Variants in IQGAP1 observed in about 807,000 individuals in gnomAD.
IQGAP1 encodes the protein IQ motif containing GTPase activating protein 1.
Under a neutral mutation model 215.6 loss-of-function variants are expected in IQGAP1, and 66 were observed. The ratio of observed to expected loss-of-function variants is 0.31; its 90% CI spans 0.25 to 0.38. The LOEUF is 0.38. Among genes scored for constraint, IQGAP1 ranks in the 10% least tolerant of loss-of-function variants. The pLI, the probability that IQGAP1 is intolerant of heterozygous loss-of-function variation, is 1.00. For synonymous variants in IQGAP1, 772 were observed against 728.7 expected (o/e 1.06, Z -0.96); for missense variants, 1,712 against 1,997.1 (o/e 0.86, Z 2.72).
At chr15:90,487,799 C>G (rs547014137) in intron 33 of IQGAP1, among the ~76,000 whole-genome samples, 11 of 152,294 alleles carry the variant, frequency 7.2e-5, no homozygotes, top group Middle Eastern at 3.4e-3. Flanking sequence ...CTGGCACTTG[C>G]ATGCAGAATC....
intron 18 of IQGAP1, among the ~76,000 whole-genome samples, chr15:90,471,714 G>A (rs62021772): frequency 0.13 from 20,206 of 151,862 alleles, 1,403 homozygotes; most frequent in African/African-American, 0.16. Flanking sequence ...TGGTCAGGCT[G>A]GTCTCGAACT....
chr15:90,444,182 T>G (rs1483149761), intron 9 of IQGAP1, among the ~76,000 whole-genome samples: 1 of 151,620 alleles, frequency 6.6e-6, no homozygotes, highest in Non-Finnish European at 1.5e-5. Flanking sequence ...ACTCCTTCAC[T>G]TAGAAATAAT....
intron 2 of IQGAP1, chr15:90,391,247 AAAAAG>A (rs1392131831): frequency 1.8e-5 from 3 of 164,880 alleles, no homozygotes; most frequent in African/African-American, 4.8e-5. Flanking sequence ...TGGGGGGAAA[AAAAAG>A]AAAAGATTTA....
Position 90,474,623 on chromosome 15 carries a change from A to G in IQGAP1, c.2714A>G (p.Gln905Arg). The change falls in exon 23 of 38, where the codon CAG (glutamine) becomes CGG (arginine). Residue 905 changes from glutamine (Q) to arginine (R), a missense_variant. Gln to Arg is a conservative substitution (Grantham distance 43, BLOSUM62 1). Around this residue, in one of 2 missense-constraint regions of IQGAP1, gnomAD observed 691 missense variants for 923.0 expected, o/e 0.75. Transcript: ENST00000268182. ...EVITLIRSNQ[Q>R]LENDLNLMDI... ...ATCACCCTCATTCGTTCTAACCAGC[A>G]GCTGGAGAATGACCTCAATCTCATG... 1 of 1,614,084 alleles carries G rather than the reference A, an allele frequency of 6.2e-7. No individual in the cohort carries two copies. The highest frequency in any genetic ancestry group is 1.3e-5 in the African/African-American group (1 of 75,052).
At chr15:90,466,248 A>G in intron 16 of IQGAP1, 21 bp from the exon 17 acceptor site, 1 of 1,612,744 alleles carries the variant, frequency 6.2e-7, no homozygotes, top group African/African-American at 1.3e-5. Context: ...CTATTCTGGT[A>G]ACAGTTCTTT....
intron 37 of IQGAP1, among the ~76,000 whole-genome samples, chr15:90,497,592 C>G (rs554880040): frequency 6.6e-6 from 1 of 152,298 alleles, no homozygotes; most frequent in South Asian, 2.1e-4. Flanking sequence ...GCCACTAAAT[C>G]GAGCTGACAC....
intron 1 of IQGAP1, among the ~76,000 whole-genome samples, chr15:90,389,825 C>T (rs908653785): frequency 6.6e-6 from 1 of 150,726 alleles, no homozygotes; most frequent in Admixed American, 6.6e-5. Flanking sequence ...GGCGTGGTGG[C>T]CCATGCCTGT....
chr15:90,412,228 G>A (rs748548572), intron 2 of IQGAP1, among the ~76,000 whole-genome samples: 14 of 152,126 alleles, frequency 9.2e-5, no homozygotes, highest in Admixed American at 7.2e-4. Context: ...TATTCCTATA[G>A]CTTTTCAGAT....
chr15:90,394,657 C>T (rs748800866), intron 2 of IQGAP1, among the ~76,000 whole-genome samples: 6 of 152,186 alleles, frequency 3.9e-5, no homozygotes, highest in Non-Finnish European at 8.8e-5. Context: ...TTGGTTCCAT[C>T]CTGTTTCCTC....
intron 2 of IQGAP1, among the ~76,000 whole-genome samples, chr15:90,414,841 T>A (rs1056593592): frequency 2.6e-5 from 4 of 152,182 alleles, no homozygotes; most frequent in Non-Finnish European, 5.9e-5. Flanking sequence ...CATTTCAAGC[T>A]GAACATGTTT....
chr15:90,449,299 A>G (rs1417496588), intron 10 of IQGAP1, among the ~76,000 whole-genome samples: 2 of 152,106 alleles, frequency 1.3e-5, no homozygotes, highest in Non-Finnish European at 2.9e-5. Flanking sequence ...TTCTACAAAC[A>G]CTTTTTCCTT....
chr15:90,408,737 A>G (rs1446873290), intron 2 of IQGAP1, among the ~76,000 whole-genome samples: 1 of 152,134 alleles, frequency 6.6e-6, no homozygotes, highest in Non-Finnish European at 1.5e-5. Flanking sequence ...ACTTCTTCAC[A>G]TTTTGGCCCT....
At chr15:90,422,853 G>C (rs922979227) in intron 2 of IQGAP1, among the ~76,000 whole-genome samples, 1 of 151,520 alleles carries the variant, frequency 6.6e-6, no homozygotes, top group African/African-American at 2.4e-5. Flanking sequence ...GTGCCACCAC[G>C]CCTGGCTAAT....
chr15:90,487,509 T>A lies in IQGAP1; in HGVS notation c.4175T>A (p.Ile1392Asn). 1 of 1,613,886 alleles carries A rather than the reference T, an allele frequency of 6.2e-7. No homozygotes were observed. The highest frequency in any genetic ancestry group is 1.3e-5 in the African/African-American group (1 of 75,046). Residue 1392 changes from isoleucine to asparagine, a missense_variant, in exon 33 of 38, where the codon ATT (isoleucine) becomes AAT (asparagine). Coordinates refer to ENST00000268182, the MANE Select transcript of IQGAP1 (RefSeq NM_003870.4). ...TCTCGTTTCAGTACAAAACGTTTAA[T>A]TGTGGATGTCATCCGGTTCCAGCCA... is the stretch of plus-strand genomic sequence containing the variant. ...RTILLNTKRL[I>N]VDVIRFQPGE...
In IQGAP1 at chr15:90,476,649, G is replaced by T; in HGVS notation, c.2785-14G>T. On this transcript the variant is annotated splice_polypyrimidine_tract_variant and intron_variant, in intron 23 of 37. Coordinates refer to ENST00000268182, the MANE Select transcript of IQGAP1 (RefSeq NM_003870.4). ...TGAAAGCTTTCTGATCTATTTATTG[G>T]TTTTTGTTTATAGGATGTGGTTTCC... 1 of 1,559,978 alleles carries T rather than the reference G, an allele frequency of 6.4e-7. No individual in the cohort carries two copies.
intron 2 of IQGAP1, among the ~76,000 whole-genome samples, chr15:90,413,867 T>C (rs1965004671): frequency 6.6e-6 from 1 of 152,152 alleles, no homozygotes. Flanking sequence ...GCGGGTAACA[T>C]GTCATTCTTG....
chr15:90,438,794 G>C (rs1567126340), intron 5 of IQGAP1, among the ~76,000 whole-genome samples: 10 of 150,300 alleles, frequency 6.7e-5, no homozygotes, highest in Admixed American at 6.6e-4. Context: ...GTGTGATCTC[G>C]GCTCACTGCA....
intron 6 of IQGAP1, among the ~76,000 whole-genome samples, chr15:90,439,957 A>G (rs1965425562): frequency 6.6e-6 from 1 of 152,216 alleles, no homozygotes; most frequent in Non-Finnish European, 1.5e-5. Flanking sequence ...AGTCTTTCAA[A>G]GTGGTGATTA....
chr15:90,458,057 G>T (rs1965711225), intron 15 of IQGAP1, among the ~76,000 whole-genome samples: 1 of 152,130 alleles, frequency 6.6e-6, no homozygotes, highest in African/African-American at 2.4e-5. Context: ...ATCTCCCCCA[G>T]CCCTGGGCAA....
Sources: gnomAD v4.1 joint callset for allele counts (sites outside exome capture counted in the v4.1 genomes callset) on GRCh38, gnomAD v4.1.1 for gene constraint, gnomAD v4.1.1 regional missense constraint, MANE v1.5 for transcripts, NCBI Gene and HGNC (gene_info 2026-07-23, HGNC 2026-07-21) for gene names.